The following ELP4 variants were observed in gnomAD, a reference collection of about 807,000 sequenced individuals.
ELP4 encodes the protein elongator complex protein 4.
ELP4 carries 51 observed loss-of-function variants against 48.9 expected under a neutral mutation model. The observed-to-expected ratio is 1.04, with a 90% CI of 0.83 to 1.32. The LOEUF (loss-of-function observed/expected upper bound fraction) is 1.32, where lower values mean the gene tolerates loss of function less well. Ranked by LOEUF, ELP4 falls within the 40% of genes most tolerant of loss-of-function variation. The pLI is 0.00. For synonymous variants in ELP4, 210 were observed against 189.2 expected (o/e 1.11, Z -0.90); for missense variants, 519 against 514.6 (o/e 1.01, Z -0.08).
intron 2 of ELP4, among the ~76,000 whole-genome samples, chr11:31,523,054 G>C (rs1230965668): frequency 1.3e-5 from 2 of 148,294 alleles, no homozygotes; most frequent in Non-Finnish European, 3.0e-5. Context: ...TTTTTTTTTG[G>C]TAGAGATAGG....
rs541511282 is a variant in ELP4, at chr11:31,740,901, T to G, written c.1144-42492T>G. On this transcript the variant is annotated intron_variant, in intron 9 of 9. Transcript: ENST00000640961. Reference sequence around the variant, plus strand: ...GTGCCAGACAGTAGGTGCAGGACAGTGGGTGCAGCGCACCGTGCGTGAGCC... The same window carrying G: ...GTGCCAGACAGTAGGTGCAGGACAGGGGGTGCAGCGCACCGTGCGTGAGCC... 7.6e-3 allele frequency among the ~76,000 whole-genome samples: 1,158 copies of G among 152,328 alleles called. 7 individuals are homozygous for G. The highest frequency in any genetic ancestry group is 0.024 in the Middle Eastern group (7 of 294).
At chr11:31,556,002 C>T (rs1239837326) in intron 3 of ELP4, among the ~76,000 whole-genome samples, 1 of 151,816 alleles carries the variant, frequency 6.6e-6, no homozygotes, top group Non-Finnish European at 1.5e-5. Flanking sequence ...GCAAATATTT[C>T]TGTACAAGAA....
At chr11:31,714,701 G>C in intron 9 of ELP4, 1 of 398,564 alleles carries the variant, frequency 2.5e-6, no homozygotes, top group Non-Finnish European at 4.4e-6. Flanking sequence ...CTATTTCCTT[G>C]CCTTTTCCAG....
At chr11:31,653,895 T>G (rs1009029800) in intron 9 of ELP4, 1 of 151,746 alleles carries the variant, frequency 6.6e-6, no homozygotes, top group African/African-American at 2.4e-5. Context: ...AGTTTTTTCT[T>G]TAGTAATTAT....
intron 3 of ELP4, among the ~76,000 whole-genome samples, chr11:31,562,277 C>G (rs915793995): frequency 3.3e-5 from 5 of 152,042 alleles, no homozygotes; most frequent in African/African-American, 7.2e-5. Flanking sequence ...AAGATGGTAT[C>G]CTATTTTTAT....
chr11:31,594,708 G>A, intron 3 of ELP4, 62 bp from the exon 4 acceptor site: 1 of 1,248,192 alleles, frequency 8.0e-7, no homozygotes, highest in Non-Finnish European at 1.1e-6. Flanking sequence ...TAATATTATG[G>A]TTTAAGAAAA....
At chr11:31,693,280 G>A (rs1946322032) in intron 9 of ELP4, among the ~76,000 whole-genome samples, 1 of 151,952 alleles carries the variant, frequency 6.6e-6, no homozygotes, top group African/African-American at 2.4e-5. Flanking sequence ...TTTACATTAG[G>A]TATATCTCCT....
intron 9 of ELP4, among the ~76,000 whole-genome samples, chr11:31,753,525 C>T (rs1947770823): frequency 6.6e-6 from 1 of 152,194 alleles, no homozygotes. Context: ...AACTTTCATA[C>T]TCTACTGATG....
chr11:31,619,187 A>T (rs1334655413), intron 5 of ELP4, among the ~76,000 whole-genome samples: 1 of 151,998 alleles, frequency 6.6e-6, no homozygotes, highest in Non-Finnish European at 1.5e-5. Context: ...ATCAGTAGAA[A>T]AGGAGAAGTT....
chr11:31,515,108 T>C (rs1315300463), intron 1 of ELP4, among the ~76,000 whole-genome samples: 1 of 151,312 alleles, frequency 6.6e-6, no homozygotes, highest in African/African-American at 2.4e-5. Flanking sequence ...AGCTTGATTT[T>C]TAAAAGCTTT....
chr11:31,582,629 A>C (rs1957409840), intron 3 of ELP4, among the ~76,000 whole-genome samples: 1 of 152,086 alleles, frequency 6.6e-6, no homozygotes, highest in Admixed American at 6.6e-5. Context: ...TCAAATACCT[A>C]GTGATTCTTC....
chr11:31,665,118 G>A (rs1258321842), intron 9 of ELP4, among the ~76,000 whole-genome samples: 1 of 152,138 alleles, frequency 6.6e-6, no homozygotes. Flanking sequence ...GCAGTTTGGA[G>A]CTGGGATAAA....
chr11:31,650,264 C>G (rs748910878), intron 9 of ELP4, 43 bp downstream of exon 9: 1 of 647,748 alleles, frequency 1.5e-6, no homozygotes, highest in East Asian at 2.8e-5. Context: ...TTGAGATAAA[C>G]TTATTTTTAA....
At chr11:31,628,171 G>C (rs949713216) in intron 6 of ELP4, 1 of 151,724 alleles carries the variant, frequency 6.6e-6, no homozygotes, top group African/African-American at 2.4e-5. Flanking sequence ...ATTTTATTTT[G>C]CTCAGTGTTG....
chr11:31,747,316 G>A (rs1284185689), intron 9 of ELP4, among the ~76,000 whole-genome samples: 1 of 152,058 alleles, frequency 6.6e-6, no homozygotes, highest in Non-Finnish European at 1.5e-5. Context: ...GGTGATGTGA[G>A]GGCTCCATAT....
In ELP4 at chr11:31,547,279, C is replaced by T. The variant is rs898902531; in HGVS notation, c.381+7496C>T. Among the ~76,000 whole-genome samples, 848 of 151,620 alleles carry T rather than the reference C, an allele frequency of 5.6e-3. 3 individuals are homozygous for T. The highest frequency in any genetic ancestry group is 7.5e-3 in the Admixed American group (114 of 15,202). On this transcript the variant is annotated intron_variant, in intron 3 of 9. Coordinates refer to ENST00000640961, the MANE Select transcript of ELP4 (RefSeq NM_019040.5). ...AAAAAAGAGAGAAGAATCAAATAGA[C>T]GCAATAAAAAATGATAAAGGGGATA...
At chr11:31,706,490 G>A (rs922649579) in intron 9 of ELP4, among the ~76,000 whole-genome samples, 10 of 147,332 alleles carry the variant, frequency 6.8e-5, no homozygotes, top group African/African-American at 2.2e-4. Context: ...TTAATTAAAT[G>A]TTATATTTAT....
intron 3 of ELP4, among the ~76,000 whole-genome samples, chr11:31,557,705 T>C (rs1023390623): frequency 9.2e-5 from 14 of 152,012 alleles, no homozygotes; most frequent in African/African-American, 3.1e-4. Context: ...AAATATACCA[T>C]TGAACATTTT....
chr11:31,776,251 G>C, intron 9 of ELP4, among the ~76,000 whole-genome samples: 1 of 152,036 alleles, frequency 6.6e-6, no homozygotes, highest in Non-Finnish European at 1.5e-5. Context: ...GGCCAAAGGA[G>C]GTGTGGATCA....
Sources: allele counts gnomAD v4.1 joint callset (sites outside exome capture counted in the v4.1 genomes callset), GRCh38; gene constraint gnomAD v4.1.1; transcripts MANE v1.5; gene names NCBI Gene and HGNC (gene_info 2026-07-23, HGNC 2026-07-21).